The following SVEP1 variants were observed in gnomAD, a reference collection of about 807,000 sequenced individuals.
SVEP1 encodes sushi, von Willebrand factor type A, EGF and pentraxin domain containing 1.
Under a neutral mutation model 367.3 loss-of-function variants are expected in SVEP1, and 164 were observed. The ratio of observed to expected loss-of-function variants is 0.45; its 90% CI spans 0.39 to 0.51. The LOEUF is 0.51. Among genes scored for constraint, SVEP1 ranks in the 20% least tolerant of loss-of-function variants. The pLI is 0.00. For synonymous variants in SVEP1, 1,666 were observed against 1,611.6 expected, an observed-to-expected ratio of 1.03 and a Z score of -0.81; for missense variants, 4,117 against 4,425.3, an observed-to-expected ratio of 0.93 and a Z score of 1.98.
At chr9:110,562,759 G>A (rs1830447709) in intron 1 of SVEP1, among the ~76,000 whole-genome samples, 1 of 152,018 alleles carries the variant, frequency 6.6e-6, no homozygotes, top group South Asian at 2.1e-4. Context: ...CGCAATCTTG[G>A]CTCACTGCAT....
chr9:110,468,440 C>T (rs1588068368), intron 17 of SVEP1, among the ~76,000 whole-genome samples: 1 of 152,304 alleles, frequency 6.6e-6, no homozygotes, highest in Admixed American at 6.5e-5. Context: ...TTTGAGAAAA[C>T]CATAGAAGCA....
At chr9:110,490,028 T>C (rs994375305) in intron 8 of SVEP1, among the ~76,000 whole-genome samples, 1 of 152,312 alleles carries the variant, frequency 6.6e-6, no homozygotes, top group East Asian at 1.9e-4. Flanking sequence ...TATGCTCTTA[T>C]GTAGTCCTTA....
chr9:110,389,309 G>C (rs1827586573), intron 41 of SVEP1, among the ~76,000 whole-genome samples: 2 of 152,062 alleles, frequency 1.3e-5, no homozygotes, highest in Non-Finnish European at 2.9e-5. Flanking sequence ...GTAATCTTGT[G>C]TCCTATTGCA....
chr9:110,411,267 C>T lies in SVEP1; in HGVS notation c.6444G>A (p.Glu2148=), dbSNP rs79128366. The T allele has an allele frequency of 1.8e-4, 283 of 1,614,020 alleles. 3 individuals are homozygous for T. The African/African-American group carries it at 3.2e-3, about 18-fold the overall frequency. The change falls in exon 37 of 48, where the codon GAG becomes GAA. Residue 2148 remains glutamate (E), a synonymous_variant. Coordinates refer to ENST00000374469, the MANE Select transcript of SVEP1 (RefSeq NM_153366.4). The part of the protein sequence containing the change: ...SIQCIPVRCG[E]PPSIMNGYAS... Reference sequence around the variant, plus strand: ...CATAGCCATTCATGATGCTTGGTGGCTCTCCACACCGCACAGGGATGCACT... The same window carrying T: ...CATAGCCATTCATGATGCTTGGTGGTTCTCCACACCGCACAGGGATGCACT...
intron 39 of SVEP1, 91 bp from the exon 40 acceptor site, chr9:110,401,100 T>A: frequency 6.7e-7 from 1 of 1,493,300 alleles, no homozygotes. Flanking sequence ...TGCAGAATAA[T>A]CTCCAAAATG....
intron 1 of SVEP1, among the ~76,000 whole-genome samples, chr9:110,552,629 C>T (rs1830304616): frequency 6.6e-6 from 1 of 151,942 alleles, no homozygotes. Context: ...TTAGATCCCT[C>T]GCATACAGTT....
At chr9:110,552,285 C>T (rs1830299576) in intron 1 of SVEP1, among the ~76,000 whole-genome samples, 1 of 151,994 alleles carries the variant, frequency 6.6e-6, no homozygotes, top group Non-Finnish European at 1.5e-5. Context: ...CTGCCTCAGC[C>T]TCCCAAAGTG....
intron 9 of SVEP1, among the ~76,000 whole-genome samples, chr9:110,487,937 A>G (rs1261000071): frequency 6.6e-6 from 1 of 152,208 alleles, no homozygotes; most frequent in African/African-American, 2.4e-5. Context: ...ACAGATTGCT[A>G]TGTAGCCTAC....
intron 47 of SVEP1, among the ~76,000 whole-genome samples, chr9:110,369,371 C>T (rs1049870623): frequency 2.0e-5 from 3 of 152,052 alleles, no homozygotes; most frequent in Admixed American, 6.6e-5. Context: ...TGAAATGCTA[C>T]GCATAGAAAC....
rs1475491246 is a variant in SVEP1 at position 110,430,400 on chromosome 9, C to T, written c.5404G>A (p.Gly1802Ser). 1.9e-6 allele frequency: 3 copies of T among 1,613,170 alleles called. No individual in the cohort carries two copies. The highest frequency in any genetic ancestry group is 1.7e-6 in the Non-Finnish European group (2 of 1,179,602). Residue 1802 changes from glycine to serine, a missense_variant, in exon 33 of 48, where the codon GGT becomes AGT. This residue lies in a region of SVEP1 where 2,174 missense variants were observed against 2,494.3 expected (regional missense o/e 0.87). Coordinates refer to ENST00000374469, the MANE Select transcript of SVEP1 (RefSeq NM_153366.4). ...TCGGCACCTACTGTATAAATCTCAC[C>T]TGAGGAGTGGCCATTTTCCGGATTT... ...PGNPENGHSS[G>S]EIYTVGAEVT...
rs148610538 is a variant in SVEP1, at chr9:110,437,898, G to GT, written c.4640-1395dup. On this transcript the variant is annotated intron_variant, in intron 27 of 47. Transcript: ENST00000374469. ...TCCTTCATGATTTCCCAATCTACGT[G>GT]TTTTTAAATTGTATTAATAATTTTA... 5.8e-3 allele frequency among the ~76,000 whole-genome samples: 881 copies of GT among 152,046 alleles called. 5 individuals are homozygous for GT. Among genetic ancestry groups the GT allele is most frequent in the African/African-American group, 0.02 (821 of 41,472 alleles).
At chr9:110,486,958 C>G (rs62569942) in intron 9 of SVEP1, among the ~76,000 whole-genome samples, 27,702 of 150,410 alleles carry the variant, frequency 0.18, 3,079 homozygotes, top group South Asian at 0.28. Context: ...CTCTCTCTCT[C>G]TCTGTCTCTC....
At chr9:110,429,478 TTAA>T (rs1828316332) in intron 34 of SVEP1, 144 bp from the exon 35 acceptor site, 376 of 546,576 alleles carry the variant, frequency 6.9e-4, no homozygotes, top group South Asian at 9.0e-4. Context: ...TGCTTTTAAA[TTAA>T]TTTTTTTTTT....
At chr9:110,546,859 A>C (rs1188055626) in intron 2 of SVEP1, among the ~76,000 whole-genome samples, 3 of 152,250 alleles carry the variant, frequency 2.0e-5, no homozygotes, top group African/African-American at 7.2e-5. Context: ...CTGGGAATGC[A>C]ATAACTCAGG....
Position 110,430,300 on chromosome 9 carries a change from C to A in SVEP1, c.5504G>T (p.Trp1835Leu). The part of the protein sequence containing the change: ...TKITCLESGE[W>L]NHLIPYCKAV... ...TTTACAATATGGTATTAGATGATTC[C>A]ATTCTCCAGACTCCAAACATGTGAT... The change falls in exon 33 of 48, where the codon TGG (tryptophan) becomes TTG (leucine). Residue 1835 changes from tryptophan (W) to leucine (L), a missense_variant. This residue lies in a region of SVEP1 where 2,174 missense variants were observed against 2,494.3 expected (regional missense o/e 0.87). Transcript: ENST00000374469. 6.2e-7 allele frequency: 1 copy of A among 1,612,928 alleles called. No homozygotes were observed. Among genetic ancestry groups the A allele is most frequent in the Middle Eastern group, 1.7e-4 (1 of 6,050 alleles).
At chr9:110,506,524 A>G (rs78845470) in intron 5 of SVEP1, among the ~76,000 whole-genome samples, 13,359 of 152,210 alleles carry the variant, frequency 0.088, 645 homozygotes, top group Non-Finnish European at 0.11. Flanking sequence ...GCTGTCACCA[A>G]TCCAAGTTTC....
chr9:110,446,961 A>G lies in SVEP1; in HGVS notation c.4200T>C (p.Asp1400=). The change falls in exon 25 of 48, where the codon GAT becomes GAC. Residue 1400 remains aspartate, a synonymous_variant. Coordinates refer to ENST00000374469, the MANE Select transcript of SVEP1 (RefSeq NM_153366.4). ...NPCRNQATCV[D]ELNSYSCKCQ... is the part of the protein sequence containing the mutation. ...ATTTACAACTGTATGAATTTAATTC[A>G]TCCACACAGGTGGCCTGATTTCTAC... 3 of 1,547,310 alleles carry G rather than the reference A, an allele frequency of 1.9e-6. No individual in the cohort carries two copies. Among genetic ancestry groups the G allele is most frequent in the Non-Finnish European group, 2.6e-6 (3 of 1,145,406 alleles).
At chr9:110,463,500 A>G (rs1014006873) in intron 18 of SVEP1, among the ~76,000 whole-genome samples, 1 of 152,054 alleles carries the variant, frequency 6.6e-6, no homozygotes, top group Non-Finnish European at 1.5e-5. Context: ...AAAACAGTAC[A>G]CTATAAAAAT....
At chr9:110,509,620 G>C (rs539584196) in intron 5 of SVEP1, among the ~76,000 whole-genome samples, 1 of 152,246 alleles carries the variant, frequency 6.6e-6, no homozygotes, top group African/African-American at 2.4e-5. Flanking sequence ...AAGTGACCCT[G>C]CTGCCTCAGT....
Sources: allele counts gnomAD v4.1 joint callset (sites outside exome capture counted in the v4.1 genomes callset), GRCh38; gene constraint gnomAD v4.1.1; regional missense constraint gnomAD v4.1.1; transcripts MANE v1.5; gene names NCBI Gene and HGNC (gene_info 2026-07-23, HGNC 2026-07-21).